TRMT11: variants seen among roughly 807,000 people sequenced by gnomAD.
The protein encoded by TRMT11 is tRNA methyltransferase 11.
A neutral mutation model predicts 62.8 loss-of-function variants in TRMT11; 53 were observed. The observed-to-expected ratio is 0.84, with a 90% confidence interval of 0.68 to 1.06. TRMT11 has a LOEUF of 1.06. TRMT11 is among the 50% of genes least tolerant of loss of function. The pLI is 0.00. For missense variants in TRMT11, 556 were observed against 553.4 expected (o/e 1.00, Z -0.05); for synonymous variants, 188 against 190.3 (o/e 0.99, Z 0.10).
chr6:126,201,477 G>A (rs965297125), intron 3 of TRMT11, among the ~76,000 whole-genome samples: 1 of 152,162 alleles, frequency 6.6e-6, no homozygotes, highest in Admixed American at 6.5e-5. Flanking sequence ...GAACTGGACA[G>A]CATTTCCACA....
At chr6:126,090,708 A>G (rs1191303028) in intron 17 of TRMT11, among the ~76,000 whole-genome samples, 1 of 152,210 alleles carries the variant, frequency 6.6e-6, no homozygotes, top group African/African-American at 2.4e-5. Flanking sequence ...TCTAATACAT[A>G]AGACTGGTTC....
At chr6:126,022,957 T>G (rs1295376525) in intron 12 of TRMT11, among the ~76,000 whole-genome samples, 1 of 152,228 alleles carries the variant, frequency 6.6e-6, no homozygotes, top group Non-Finnish European at 1.5e-5. Context: ...TCTGTCATAA[T>G]TTTTCAGCAT....
intron 17 of TRMT11, among the ~76,000 whole-genome samples, chr6:126,078,367 C>T (rs1041499734): frequency 2.6e-5 from 4 of 151,812 alleles, no homozygotes; most frequent in Non-Finnish European, 5.9e-5. Context: ...TCATCTCTAA[C>T]TGCATCTGGT....
rs1196395240 is a variant in TRMT11, at chr6:126,163,561, G to A, written c.*1824-11264G>A. On this transcript the variant is annotated intron_variant and NMD_transcript_variant, in intron 21 of 22. Coordinates refer to the TRMT11 transcript ENST00000648977. The stretch of plus-strand genomic sequence containing the variant: ...AGGTTTTGGTATCAGGATGATGCTG[G>A]CCTCATAAAATGATTTAGGGAGGAG... Among the ~76,000 whole-genome samples the A allele has an allele frequency of 2.6e-5, 4 of 152,144 alleles. No individual in the cohort carries two copies. In the East Asian group the frequency reaches 7.7e-4, roughly 29 times the overall value.
chr6:126,027,528 G>A (rs1223945447), intron 12 of TRMT11, among the ~76,000 whole-genome samples: 1 of 152,150 alleles, frequency 6.6e-6, no homozygotes, highest in Admixed American at 6.5e-5. Flanking sequence ...TACTTCACAT[G>A]CTACCTTATA....
chr6:126,162,177 G>GT (rs1778198564), intron 21 of TRMT11, among the ~76,000 whole-genome samples: 2 of 152,074 alleles, frequency 1.3e-5, no homozygotes, highest in East Asian at 1.9e-4. Flanking sequence ...TTTCTTCTAG[G>GT]TTTTTTATGG....
chr6:126,115,228 C>T (rs780138546), intron 19 of TRMT11, among the ~76,000 whole-genome samples: 1 of 152,128 alleles, frequency 6.6e-6, no homozygotes, highest in Non-Finnish European at 1.5e-5. Context: ...AAATCTCTTT[C>T]CTTTCCACAA....
intron 17 of TRMT11, among the ~76,000 whole-genome samples, chr6:126,059,845 A>G (rs762651660): frequency 6.6e-6 from 1 of 152,158 alleles, no homozygotes; most frequent in African/African-American, 2.4e-5. Flanking sequence ...ATTCATCTCA[A>G]TGTCTAATCA....
rs1778625731 is a variant in TRMT11, at chr6:126,193,350, T to C, written n.144-5449T>C. Among the ~76,000 whole-genome samples the C allele has an allele frequency of 2.6e-5, 4 of 152,050 alleles. No homozygotes were observed. The South Asian group carries it at 8.3e-4, about 32-fold the overall frequency. ...AACTAAAGGTTTATTATTTTGTTTA[T>C]ATTTTTTAAGTGTCATTTTTATTTA... On this transcript the variant is annotated intron_variant and non_coding_transcript_variant, in intron 1 of 3. Transcript: ENST00000444229.
At chr6:126,069,011 T>C (rs1451047291) in intron 17 of TRMT11, among the ~76,000 whole-genome samples, 3 of 152,196 alleles carry the variant, frequency 2.0e-5, no homozygotes, top group African/African-American at 4.8e-5. Context: ...CTCTTTATAA[T>C]TTAGGGTACC....
At chr6:126,010,035 T>G (rs1793945639) in intron 8 of TRMT11, among the ~76,000 whole-genome samples, 2 of 152,024 alleles carry the variant, frequency 1.3e-5, no homozygotes. Flanking sequence ...ACAAAACTTT[T>G]TTTTTTGGCA....
Position 126,021,225 on chromosome 6 carries a change from T to G in TRMT11, c.1205T>G (p.Leu402Arg), listed in dbSNP as rs1394408054. ...LELVSNCEQKLSSHTSRRLIT... is the reference protein window; with the variant it reads ...LELVSNCEQKRSSHTSRRLIT... ...CTCGTTAGCAACTGCGAGCAGAAGC[T>G]TTCCAGTCACACATCAAGGCGCTTG... is the stretch of plus-strand genomic sequence containing the variant. The change falls in exon 12 of 13, where the codon CTT becomes CGT. Residue 402 changes from leucine to arginine, a missense_variant. Coordinates refer to ENST00000334379, the MANE Select transcript of TRMT11 (RefSeq NM_001031712.3). The G allele has an allele frequency of 6.2e-7, 1 of 1,614,198 alleles. No homozygotes were observed. Among genetic ancestry groups the G allele is most frequent in the Admixed American group, 1.7e-5 (1 of 60,030 alleles).
chr6:126,267,696 T>C, the TRMT11 span, among the ~76,000 whole-genome samples: 1 of 152,180 alleles, frequency 6.6e-6, no homozygotes, highest in African/African-American at 2.4e-5. Context: ...AGCAAGAAAA[T>C]TTTGCATAAT....
intron 17 of TRMT11, among the ~76,000 whole-genome samples, chr6:126,087,962 A>G (rs1402991579): frequency 1.3e-5 from 2 of 152,176 alleles, no homozygotes; most frequent in Non-Finnish European, 2.9e-5. Flanking sequence ...TTATTGTTAT[A>G]GTTATCTCTA....
chr6:126,169,663 G>A (rs937097146), intron 21 of TRMT11, among the ~76,000 whole-genome samples: 1 of 152,066 alleles, frequency 6.6e-6, no homozygotes, highest in African/African-American at 2.4e-5. Context: ...TTTTACATAG[G>A]ACACAAAAAA....
At chr6:126,193,110 T>A (rs1183877208) in intron 1 of TRMT11, among the ~76,000 whole-genome samples, 1 of 152,180 alleles carries the variant, frequency 6.6e-6, no homozygotes, top group African/African-American at 2.4e-5. Context: ...GTCTCATTAC[T>A]CAATATTGGT....
chr6:126,004,591 A>C (rs1793058866), intron 7 of TRMT11, among the ~76,000 whole-genome samples: 1 of 152,030 alleles, frequency 6.6e-6, no homozygotes, highest in African/African-American at 2.4e-5. Context: ...GGACTGGAGA[A>C]ATACGTAGCT....
intron 21 of TRMT11, among the ~76,000 whole-genome samples, chr6:126,117,438 C>CT (rs1433792453): frequency 6.6e-6 from 1 of 152,026 alleles, no homozygotes; most frequent in African/African-American, 2.4e-5. Context: ...GAAAGAATGT[C>CT]TTTTACCGTC....
At chr6:126,055,701 G>T (rs1033193308) in intron 17 of TRMT11, among the ~76,000 whole-genome samples, 2 of 152,016 alleles carry the variant, frequency 1.3e-5, no homozygotes, top group African/African-American at 2.4e-5. Context: ...TAGTATATAC[G>T]ATTTCTTTGT....
Sources: gnomAD v4.1 joint callset for allele counts (sites outside exome capture counted in the v4.1 genomes callset) on GRCh38, gnomAD v4.1.1 for gene constraint, MANE v1.5 for transcripts, NCBI Gene and HGNC (gene_info 2026-07-23, HGNC 2026-07-21) for gene names.